The following WDR43 variants were observed in gnomAD, a reference collection of about 807,000 sequenced individuals.
WDR43 encodes the protein WD repeat domain 43.
In WDR43, 13 loss-of-function variants were observed where a neutral mutation model predicts 91.4. The ratio of observed to expected loss-of-function variants is 0.14; its 90% CI spans 0.09 to 0.23. WDR43 has a LOEUF of 0.23. Ranked by LOEUF, WDR43 falls within the 10% of genes least tolerant of loss-of-function variation. The pLI is 1.00. For synonymous variants in WDR43, 331 were observed against 287.9 expected (o/e 1.15, Z -1.51); for missense variants, 780 against 809.4 (o/e 0.96, Z 0.44).
chr2:28,946,037 A>G (rs777256672), intron 16 of WDR43, among the ~76,000 whole-genome samples: 38 of 152,206 alleles, frequency 2.5e-4, no homozygotes, highest in Admixed American at 7.9e-4. Flanking sequence ...ATACTTTTAT[A>G]CATGTAAGAA....
intron 5 of WDR43, among the ~76,000 whole-genome samples, chr2:28,915,986 T>C (rs1453565321): frequency 6.6e-6 from 1 of 152,244 alleles, no homozygotes; most frequent in Non-Finnish European, 1.5e-5. Context: ...TTAAGTATTA[T>C]TTTTTAAAAT....
At chr2:28,933,820 G>A (rs13417246) in intron 11 of WDR43, among the ~76,000 whole-genome samples, 3,957 of 152,272 alleles carry the variant, frequency 0.026, 201 homozygotes, top group African/African-American at 0.091. Context: ...ATAAAAATGC[G>A]AAAGACAGAC....
rs372120196 is a variant in WDR43, at chr2:28,938,535, C to T, written c.1620+541C>T. 2.6e-5 allele frequency among the ~76,000 whole-genome samples: 4 copies of T among 152,264 alleles called. No homozygotes were observed. The East Asian group carries it at 5.8e-4, about 22-fold the overall frequency. The stretch of plus-strand genomic sequence containing the variant: ...AGTTGGGTTCTTTGCCACATCATTA[C>T]ATCCATTATATTTTAAGCTGGAAAT... On this transcript the variant is annotated intron_variant, in intron 14 of 17. Coordinates refer to ENST00000407426, the MANE Select transcript of WDR43 (RefSeq NM_015131.3).
At chr2:28,902,932 G>GT (rs1409311122) in intron 2 of WDR43, among the ~76,000 whole-genome samples, 1 of 152,108 alleles carries the variant, frequency 6.6e-6, no homozygotes, top group African/African-American at 2.4e-5. Context: ...AGTGTTTTAA[G>GT]TTTTTTGTTT....
Position 28,926,510 on chromosome 2 carries a change from A to C in WDR43, c.1129A>C (p.Ile377Leu). The C allele has an allele frequency of 6.2e-7, 1 of 1,600,770 alleles. No homozygotes were observed. The highest frequency in any genetic ancestry group is 8.5e-7 in the Non-Finnish European group (1 of 1,172,888). Reference protein sequence around the residue: ...REPHMCLVRDISNCWAPKVET... With the variant: ...REPHMCLVRDLSNCWAPKVET... The stretch of plus-strand genomic sequence containing the variant: ...ACCTCATATGTGTTTAGTAAGAGAT[A>C]TTTCAAACTGCTGGGCCCCCAAAGT... Residue 377 changes from isoleucine (I) to leucine (L), a missense_variant, in exon 9 of 18, where the codon ATT (isoleucine) becomes CTT (leucine). By Grantham distance (5) the Ile-to-Leu change is conservative (BLOSUM62 2). Coordinates refer to ENST00000407426, the MANE Select transcript of WDR43 (RefSeq NM_015131.3).
Position 28,946,709 on chromosome 2 carries a change from A to G in WDR43, c.1964A>G (p.Asp655Gly). The G allele has an allele frequency of 6.3e-7, 1 of 1,582,028 alleles. No individual in the cohort carries two copies. Among genetic ancestry groups the G allele is most frequent in the Non-Finnish European group, 8.6e-7 (1 of 1,163,790 alleles). Residue 655 changes from aspartate to glycine, a missense_variant, in exon 18 of 18, where the codon GAT (aspartate) becomes GGT (glycine). By Grantham distance (94) the Asp-to-Gly change is moderately conservative. Coordinates refer to ENST00000407426, the MANE Select transcript of WDR43 (RefSeq NM_015131.3). The part of the protein sequence containing the change: ...GKDEENGEDR[D>G]TASEKELNGD... Reference sequence around the variant, plus strand: ...GATGAAGAAAATGGCGAGGACAGAGATACAGCAAGTGAAAAAGAATTAAAT... The same window carrying G: ...GATGAAGAAAATGGCGAGGACAGAGGTACAGCAAGTGAAAAAGAATTAAAT...
intron 8 of WDR43, among the ~76,000 whole-genome samples, chr2:28,926,024 C>A (rs1036648882): frequency 1.3e-5 from 2 of 152,150 alleles, no homozygotes; most frequent in Non-Finnish European, 2.9e-5. Flanking sequence ...CATACAGATG[C>A]ATTTTGTTAA....
chr2:28,930,126 A>G, intron 11 of WDR43: 1 of 471,172 alleles, frequency 2.1e-6, no homozygotes, highest in Non-Finnish European at 4.4e-6. Flanking sequence ...GAGAGGGGGC[A>G]GTGAGGTGGA....
chr2:28,898,683 G>A (rs1203360333), intron 1 of WDR43, among the ~76,000 whole-genome samples: 1 of 151,718 alleles, frequency 6.6e-6, no homozygotes, highest in Non-Finnish European at 1.5e-5. Context: ...TAAACTTAGT[G>A]GATTGTAACA....
chr2:28,904,799 T>C (rs1670647068), intron 2 of WDR43, among the ~76,000 whole-genome samples: 1 of 152,270 alleles, frequency 6.6e-6, no homozygotes, highest in African/African-American at 2.4e-5. Flanking sequence ...AACAATGTTA[T>C]TTCCAAGTAG....
intron 3 of WDR43, 118 bp downstream of exon 3, chr2:28,906,699 C>T (rs964864818): frequency 3.2e-6 from 4 of 1,266,630 alleles, no homozygotes; most frequent in African/African-American, 1.5e-5. Flanking sequence ...TTAATCAAAT[C>T]GAGCATGCAA....
At chr2:28,920,220 C>CT (rs1670996207) in intron 6 of WDR43, among the ~76,000 whole-genome samples, 9 of 86,986 alleles carry the variant, frequency 1.0e-4, no homozygotes, top group African/African-American at 3.4e-4. Flanking sequence ...AATTTTTTTT[C>CT]TTTCTTTTTT....
rs58846266 is a variant in WDR43, at chr2:28,935,747, CAAAAAAAAAAA to C, written c.1524+151_1524+161del. 4.9e-5 allele frequency: 12 copies of C among 243,886 alleles called. No homozygotes were observed. The East Asian group carries it at 5.5e-4, about 11-fold the overall frequency. 15.1% of individuals were successfully genotyped at this position (243,886 alleles called of 1,614,324 possible). A position where few individuals can be genotyped will look rare whatever the true frequency, so the allele number is the denominator to read the frequency against. Reference sequence around the variant, plus strand: ...AATGGATGGAGGAAAGTACTTTAGACAAAAAAAAAAAAAAAAAAAAAGTGAAATTAATTCCT... The same window carrying C: ...AATGGATGGAGGAAAGTACTTTAGACAAAAAAAAAAGTGAAATTAATTCCT... On this transcript the variant is annotated intron_variant, in intron 12 of 17. Coordinates refer to ENST00000407426, the MANE Select transcript of WDR43 (RefSeq NM_015131.3).
At chr2:28,926,412 C>G in intron 8 of WDR43, 56 bp from the exon 9 acceptor site, 3 of 1,307,388 alleles carry the variant, frequency 2.3e-6, no homozygotes, top group South Asian at 3.1e-5. Flanking sequence ...CTTTGTTTGA[C>G]ACTCTTTTTT....
In WDR43 at chr2:28,906,455, T is replaced by C. The variant is rs552796847; in HGVS notation, c.364-5T>C. 1 of 1,536,908 alleles carries C rather than the reference T, an allele frequency of 6.5e-7. No homozygotes were observed. Among genetic ancestry groups the C allele is most frequent in the South Asian group, 1.2e-5 (1 of 81,208 alleles). ...TTAAATTTTTTTTTTTTTTTTAATC[T>C]ACAGAGTGGTGGACATGACAACAGA... On this transcript the variant is annotated splice_polypyrimidine_tract_variant and splice_region_variant and intron_variant, in intron 2 of 17. Coordinates refer to ENST00000407426, the MANE Select transcript of WDR43 (RefSeq NM_015131.3).
chr2:28,914,008 A>C, intron 4 of WDR43, 61 bp from the exon 5 acceptor site: 3 of 1,586,490 alleles, frequency 1.9e-6, no homozygotes, highest in Non-Finnish European at 2.6e-6. Flanking sequence ...GATAATATAT[A>C]CTATTAATTT....
chr2:28,936,532 C>T (rs1053532427), intron 12 of WDR43, among the ~76,000 whole-genome samples: 1 of 152,118 alleles, frequency 6.6e-6, no homozygotes, highest in African/African-American at 2.4e-5. Context: ...ATACAATTCA[C>T]GTAGCATAAA....
At chr2:28,913,289 A>G (rs1176463876) in intron 4 of WDR43, among the ~76,000 whole-genome samples, 1 of 151,988 alleles carries the variant, frequency 6.6e-6, no homozygotes, top group East Asian at 1.9e-4. Context: ...ATTTTATTAT[A>G]TACACCAACT....
intron 2 of WDR43, among the ~76,000 whole-genome samples, chr2:28,904,058 C>T (rs926465456): frequency 3.9e-5 from 6 of 152,092 alleles, no homozygotes; most frequent in African/African-American, 1.4e-4. Flanking sequence ...GCCTGCTTGG[C>T]CTCCTAAAGT....
Sources: allele counts gnomAD v4.1 joint callset (sites outside exome capture counted in the v4.1 genomes callset), GRCh38; gene constraint gnomAD v4.1.1; transcripts MANE v1.5; gene names NCBI Gene and HGNC (gene_info 2026-07-23, HGNC 2026-07-21).